INVS: variants seen among roughly 807,000 people sequenced by gnomAD.
INVS encodes the protein inversin.
In INVS, 86 loss-of-function variants were observed where a neutral mutation model predicts 108.8. The ratio of observed to expected loss-of-function variants is 0.79; its 90% confidence interval spans 0.66 to 0.95. The LOEUF (loss-of-function observed/expected upper bound fraction) is 0.95, where lower values mean the gene tolerates loss of function less well. Ranked by LOEUF, INVS falls within the 40% of genes least tolerant of loss-of-function variation. The pLI is 0.00. For synonymous variants in INVS, 455 were observed against 473.5 expected, an observed-to-expected ratio of 0.96 and a Z score of 0.51; for missense variants, 1,169 against 1,297.4, an observed-to-expected ratio of 0.90 and a Z score of 1.52.
chr9:100,128,284 T>C (rs1171591963), intron 3 of INVS, among the ~76,000 whole-genome samples: 1 of 152,232 alleles, frequency 6.6e-6, no homozygotes, highest in Non-Finnish European at 1.5e-5. Flanking sequence ...TAAATAGAAC[T>C]ATGATTTATG....
At chr9:100,224,489 A>T (rs1053741007) in intron 3 of INVS, among the ~76,000 whole-genome samples, 4 of 152,186 alleles carry the variant, frequency 2.6e-5, no homozygotes, top group African/African-American at 9.7e-5. Context: ...AATAGATCTG[A>T]GAAAAGAGCC....
chr9:100,228,550 C>T (rs1039578990), intron 4 of INVS, among the ~76,000 whole-genome samples: 1 of 152,164 alleles, frequency 6.6e-6, no homozygotes, highest in African/African-American at 2.4e-5. Flanking sequence ...ACCAGATGTG[C>T]ATTATCAAGA....
At chr9:100,128,373 A>T (rs750730554) in intron 3 of INVS, among the ~76,000 whole-genome samples, 1 of 152,092 alleles carries the variant, frequency 6.6e-6, no homozygotes, top group Admixed American at 6.6e-5. Flanking sequence ...TTCCTTCCTT[A>T]CTCTGTGTTG....
At chr9:100,187,372 T>C (rs2118129209) in intron 3 of INVS, among the ~76,000 whole-genome samples, 1 of 152,274 alleles carries the variant, frequency 6.6e-6, no homozygotes, top group East Asian at 1.9e-4. Context: ...TTTAGGATTG[T>C]TACTTATTCT....
rs554236197 is a variant in INVS, at chr9:100,192,977, T to C, written c.274-33085T>C. ...GATTAGATTACCTATGATACCAATG[T>C]CTTTTTTTTTTTTTTTTCTGATACA... On this transcript the variant is annotated intron_variant, in intron 3 of 16. Coordinates refer to ENST00000262457, the MANE Select transcript of INVS (RefSeq NM_014425.5). Among the ~76,000 whole-genome samples, 6 of 143,508 alleles carry C rather than the reference T, an allele frequency of 4.2e-5. No individual in the cohort carries two copies. In the South Asian group the frequency reaches 6.3e-4, roughly 15 times the overall value. 94.1% of individuals were successfully genotyped at this position (143,508 alleles called of 152,430 possible).
chr9:100,239,994 C>T (rs1204395603), intron 5 of INVS, 66 bp from the exon 6 acceptor site: 6 of 1,424,464 alleles, frequency 4.2e-6, no homozygotes, highest in Non-Finnish European at 5.9e-6. Flanking sequence ...GAAAAAAATA[C>T]TTACACCAAA....
At chr9:100,178,065 A>G (rs1050813648) in intron 3 of INVS, among the ~76,000 whole-genome samples, 5 of 152,234 alleles carry the variant, frequency 3.3e-5, no homozygotes, top group Non-Finnish European at 7.3e-5. Context: ...ACTAACAAAA[A>G]TAAAAGAATA....
intron 3 of INVS, among the ~76,000 whole-genome samples, chr9:100,138,561 G>A (rs576919192): frequency 4.0e-5 from 6 of 151,870 alleles, no homozygotes; most frequent in East Asian, 3.9e-4. Context: ...TACCCTTTCC[G>A]GCTCTGTCAT....
intron 12 of INVS, among the ~76,000 whole-genome samples, chr9:100,274,039 C>T (rs946438783): frequency 2.0e-5 from 3 of 152,108 alleles, no homozygotes; most frequent in African/African-American, 7.2e-5. Context: ...GTGCCTCTTG[C>T]ACATTCTGAT....
intron 3 of INVS, chr9:100,129,820 C>T: frequency 2.0e-6 from 1 of 494,474 alleles, no homozygotes; most frequent in Non-Finnish European, 3.7e-6. Flanking sequence ...ACAACCCTAA[C>T]AGGAAGCAGC....
chr9:100,102,452 C>CCTCT lies in INVS; in HGVS notation c.-24-2045_-24-2042dup, dbSNP rs574137756. 8 of 152,262 alleles carry CCTCT rather than the reference C, an allele frequency of 5.3e-5. 1 individual carries two copies. The South Asian group carries it at 1.7e-3, about 32-fold the overall frequency. 9.4% of individuals were successfully genotyped at this position (152,262 alleles called of 1,614,324 possible). A position where few individuals can be genotyped will look rare whatever the true frequency, so the allele number is the denominator to read the frequency against. ...TCCAAGTAAGATCTTATGGTTAAGA[C>CCTCT]CTCTATCTAGGTATATTTTCCTGGT... On this transcript the variant is annotated intron_variant, in intron 1 of 16. Coordinates refer to ENST00000262457, the MANE Select transcript of INVS (RefSeq NM_014425.5).
intron 10 of INVS, among the ~76,000 whole-genome samples, chr9:100,262,636 A>C (rs1832662170): frequency 1.4e-5 from 1 of 72,318 alleles, no homozygotes; most frequent in African/African-American, 4.9e-5. Context: ...TACCTGGAGC[A>C]CTAAAAAAAA....
chr9:100,239,787 C>T lies in INVS; in HGVS notation c.616-273C>T, dbSNP rs9299337. Among the ~76,000 whole-genome samples the T allele has an allele frequency of 0.31, 46,556 of 151,790 alleles. 8,288 individuals are homozygous for T. Among genetic ancestry groups the T allele is most frequent in the Non-Finnish European group, 0.41 (28,104 of 67,906 alleles). On this transcript the variant is annotated intron_variant, in intron 5 of 16. Coordinates refer to ENST00000262457, the MANE Select transcript of INVS (RefSeq NM_014425.5). The stretch of plus-strand genomic sequence containing the variant: ...AGGAATTCAAGACCAGCCTGAGAAA[C>T]ATGGCAATACCCCATCTCTACAAAA...
chr9:100,162,115 C>T (rs966641827), intron 3 of INVS, among the ~76,000 whole-genome samples: 3 of 152,132 alleles, frequency 2.0e-5, no homozygotes, highest in African/African-American at 4.8e-5. Flanking sequence ...TAATAAGTAA[C>T]GGGCTGGTAG....
chr9:100,236,346 T>C (rs564596041), intron 5 of INVS, among the ~76,000 whole-genome samples: 2 of 152,182 alleles, frequency 1.3e-5, no homozygotes, highest in Non-Finnish European at 2.9e-5. Flanking sequence ...CCTTCTGAAG[T>C]CTTCTTCTGT....
intron 8 of INVS, among the ~76,000 whole-genome samples, chr9:100,251,159 TTTTTGTTTTG>T (rs956074592): frequency 1.3e-4 from 20 of 152,138 alleles, no homozygotes; most frequent in African/African-American, 4.6e-4. Flanking sequence ...AATTGTTTTG[TTTTTGTTTTG>T]TTTTGTTTTG....
intron 2 of INVS, among the ~76,000 whole-genome samples, chr9:100,105,202 G>A (rs1827133492): frequency 6.6e-6 from 1 of 151,970 alleles, no homozygotes; most frequent in Non-Finnish European, 1.5e-5. Context: ...ATCCCAAAGA[G>A]AAAAAAATAA....
intron 3 of INVS, among the ~76,000 whole-genome samples, chr9:100,176,311 A>G (rs921041780): frequency 6.6e-6 from 1 of 152,130 alleles, no homozygotes; most frequent in Non-Finnish European, 1.5e-5. Context: ...GCTGCTAAGG[A>G]CAACATGATA....
chr9:100,258,269 CGTTT>C (rs1564179607), intron 10 of INVS, among the ~76,000 whole-genome samples: 3 of 152,236 alleles, frequency 2.0e-5, no homozygotes, highest in East Asian at 3.9e-4. Flanking sequence ...CATTTAAGGT[CGTTT>C]CTATGCTTTT....
Sources: allele counts gnomAD v4.1 joint callset (sites outside exome capture counted in the v4.1 genomes callset), GRCh38; gene constraint gnomAD v4.1.1; transcripts MANE v1.5; gene names NCBI Gene and HGNC (gene_info 2026-07-23, HGNC 2026-07-21).